Variants in HDAC9 observed in about 807,000 individuals in gnomAD.
The protein encoded by HDAC9 is histone deacetylase 9, also known as MEF-2 interacting transcription repressor (MITR) protein.
HDAC9 carries 41 observed loss-of-function variants against 139.4 expected under a neutral mutation model. The ratio of observed to expected loss-of-function variants is 0.29; its 90% CI spans 0.23 to 0.38. The LOEUF is 0.38. Ranked by LOEUF, HDAC9 falls within the 10% of genes least tolerant of loss-of-function variation. The probability of loss-of-function intolerance (pLI) is 1.00; values close to 1 mark genes in which losing one functional copy is unlikely to be tolerated. For synonymous variants in HDAC9, 517 were observed against 476.2 expected, an observed-to-expected ratio of 1.09 and a Z score of -1.12; for missense variants, 1,147 against 1,297.0, an observed-to-expected ratio of 0.88 and a Z score of 1.78.
chr7:18,869,156 G>GTGTGTGTGTGTA (rs1378697753), intron 21 of HDAC9, among the ~76,000 whole-genome samples: 5 of 148,514 alleles, frequency 3.4e-5, no homozygotes, highest in African/African-American at 1.3e-4. Context: ...GGGTGTGTGT[G>GTGTGTGTGTGTA]TGTGTGTGTG....
intron 2 of HDAC9, among the ~76,000 whole-genome samples, chr7:18,520,295 A>G (rs775740462): frequency 6.6e-6 from 1 of 152,080 alleles, no homozygotes; most frequent in Non-Finnish European, 1.5e-5. Flanking sequence ...AACTTTTTCT[A>G]TTTTATTATA....
chr7:18,697,362 C>A (rs1335575271), intron 12 of HDAC9, among the ~76,000 whole-genome samples: 1 of 152,096 alleles, frequency 6.6e-6, no homozygotes, highest in Non-Finnish European at 1.5e-5. Context: ...TTGGCAAAAG[C>A]TGACAAGTAT....
intron 2 of HDAC9, among the ~76,000 whole-genome samples, chr7:18,519,678 C>A (rs1349559599): frequency 1.3e-5 from 2 of 152,054 alleles, no homozygotes; most frequent in African/African-American, 4.8e-5. Flanking sequence ...AATTTTGGAG[C>A]AGCATAAATT....
chr7:18,419,526 G>A (rs903300932), intron 1 of HDAC9, among the ~76,000 whole-genome samples: 2 of 144,098 alleles, frequency 1.4e-5, no homozygotes, highest in Admixed American at 6.9e-5. Flanking sequence ...TTTCCTGGCA[G>A]TATTTCTCTC....
intron 14 of HDAC9, among the ~76,000 whole-genome samples, chr7:18,756,924 A>T (rs146910133): frequency 6.6e-6 from 1 of 151,724 alleles, no homozygotes; most frequent in Non-Finnish European, 1.5e-5. Flanking sequence ...AGGTTATTAC[A>T]CGAGGAGGGT....
At chr7:18,368,341 A>G (rs1310334341) in intron 1 of HDAC9, among the ~76,000 whole-genome samples, 1 of 151,956 alleles carries the variant, frequency 6.6e-6, no homozygotes, top group Non-Finnish European at 1.5e-5. Flanking sequence ...GTGCAGATCC[A>G]GTTTCATTTT....
rs78584198 is a variant in HDAC9, at chr7:18,571,630, A to AT, written c.23-13640dup. Among the ~76,000 whole-genome samples, 730 of 145,536 alleles carry AT rather than the reference A, an allele frequency of 5.0e-3. 5 individuals carry two copies. The highest frequency in any genetic ancestry group is 0.011 in the African/African-American group (414 of 38,892). Reference sequence around the variant, plus strand: ...AACTTTATTTTATTTTTTATTTTTTATTTTTTTTTTTGGTAATAAAGATTT... The same window carrying AT: ...AACTTTATTTTATTTTTTATTTTTTATTTTTTTTTTTTGGTAATAAAGATTT... On this transcript the variant is annotated intron_variant, in intron 2 of 25. Transcript: ENST00000686413.
chr7:18,807,811 T>C (rs1286641041), intron 17 of HDAC9, among the ~76,000 whole-genome samples: 2 of 152,190 alleles, frequency 1.3e-5, no homozygotes, highest in African/African-American at 2.4e-5. Flanking sequence ...TCAGTCTTCA[T>C]AAATCTGTTA....
In HDAC9 at chr7:18,321,748, TG is replaced by T. The variant is rs200817748; in HGVS notation, c.-42+31234del. 2.0e-3 allele frequency among the ~76,000 whole-genome samples: 311 copies of T among 152,272 alleles called. 6 individuals carry two copies. The East Asian group carries it at 0.04, about 20-fold the overall frequency. ...GAACTAAGCCAAGTTCCAATCAAATTGTATAGTGTGCCCCAGATGAGACGCG... is the reference window on the plus strand; with the variant it reads ...GAACTAAGCCAAGTTCCAATCAAATTTATAGTGTGCCCCAGATGAGACGCG... On this transcript the variant is annotated intron_variant, in intron 1 of 3. Transcript: ENST00000413509.
chr7:18,148,608 C>T (rs1429752732), intron 1 of HDAC9, among the ~76,000 whole-genome samples: 1 of 152,178 alleles, frequency 6.6e-6, no homozygotes, highest in Non-Finnish European at 1.5e-5. Flanking sequence ...AGGCGCTCGC[C>T]ACCACGCCCA....
chr7:18,368,662 C>T (rs1057227065), intron 1 of HDAC9, among the ~76,000 whole-genome samples: 2 of 152,042 alleles, frequency 1.3e-5, no homozygotes, highest in African/African-American at 2.4e-5. Context: ...TAAGGATTAA[C>T]CCTTTCCATT....
At chr7:18,582,260 G>C (rs957023633) in intron 2 of HDAC9, among the ~76,000 whole-genome samples, 1 of 152,100 alleles carries the variant, frequency 6.6e-6, no homozygotes, top group Non-Finnish European at 1.5e-5. Context: ...GATGCAATTT[G>C]GAAAAATACA....
In HDAC9 at chr7:18,160,722, T is replaced by C. The variant is rs966739809; in HGVS notation, c.-96-1507T>C. Among the ~76,000 whole-genome samples, 4 of 152,114 alleles carry C rather than the reference T, an allele frequency of 2.6e-5. No homozygotes were observed. In the South Asian group the frequency reaches 8.3e-4, roughly 31 times the overall value. ...ACCTCTGCCTCCCGGGTTCAAGTGA[T>C]TCTCCTGCTTCAGCCTCCTGAATAG... On this transcript the variant is annotated intron_variant, in intron 1 of 12. Coordinates refer to the HDAC9 transcript ENST00000417496.
intron 2 of HDAC9, among the ~76,000 whole-genome samples, chr7:18,547,304 C>T (rs1407118145): frequency 2.0e-5 from 3 of 152,132 alleles, no homozygotes; most frequent in Admixed American, 6.5e-5. Flanking sequence ...GGCACGATCT[C>T]CGCTCACTGC....
intron 1 of HDAC9, among the ~76,000 whole-genome samples, chr7:18,300,137 C>T (rs913162617): frequency 6.6e-6 from 1 of 152,076 alleles, no homozygotes; most frequent in African/African-American, 2.4e-5. Context: ...GCTTTGAATG[C>T]AGCCCAACAC....
At chr7:18,594,314 G>T (rs547006692) in intron 6 of HDAC9, among the ~76,000 whole-genome samples, 1 of 151,896 alleles carries the variant, frequency 6.6e-6, no homozygotes, top group Non-Finnish European at 1.5e-5. Context: ...TAAAAATTTC[G>T]TATCTCGGAA....
chr7:18,198,608 T>C (rs560119362), intron 2 of HDAC9, among the ~76,000 whole-genome samples: 24 of 152,318 alleles, frequency 1.6e-4, no homozygotes, highest in Admixed American at 1.5e-3. Flanking sequence ...TAGCACATTA[T>C]TCTAGGTTAT....
chr7:18,098,832 G>T (rs905865327), intron 1 of HDAC9, among the ~76,000 whole-genome samples: 1 of 152,160 alleles, frequency 6.6e-6, no homozygotes, highest in African/African-American at 2.4e-5. Flanking sequence ...GCAATATATA[G>T]AATTTTGAAC....
At chr7:18,593,811 A>C in intron 5 of HDAC9, 97 bp from the exon 6 acceptor site, 2 of 1,300,850 alleles carry the variant, frequency 1.5e-6, no homozygotes, top group South Asian at 1.3e-5. Context: ...GCATAAACAT[A>C]GCTGAGGCAC....
Sources: gnomAD v4.1 joint callset for allele counts (sites outside exome capture counted in the v4.1 genomes callset) on GRCh38, gnomAD v4.1.1 for gene constraint, MANE v1.5 for transcripts, NCBI Gene and HGNC (gene_info 2026-07-23, HGNC 2026-07-21) for gene names.